ATP8B4: variants seen among roughly 807,000 people sequenced by gnomAD.
ATP8B4 encodes probable phospholipid-transporting ATPase IM.
In ATP8B4, 133 loss-of-function variants were observed where a neutral mutation model predicts 145.6. That is an observed-to-expected ratio of 0.91 (90% CI 0.79 to 1.05). ATP8B4 has a LOEUF of 1.05. ATP8B4 is among the 50% of genes least tolerant of loss of function. The pLI is 0.00. For synonymous variants in ATP8B4, 507 were observed against 492.9 expected, an observed-to-expected ratio of 1.03 and a Z score of -0.38; for missense variants, 1,458 against 1,425.2, an observed-to-expected ratio of 1.02 and a Z score of -0.37.
At chr15:50,020,308 C>T (rs1220758383) in intron 6 of ATP8B4, among the ~76,000 whole-genome samples, 3 of 150,304 alleles carry the variant, frequency 2.0e-5, no homozygotes, top group South Asian at 4.2e-4. Flanking sequence ...TCTTGTTGCC[C>T]GGGCAGGATG....
At chr15:49,884,474 A>C (rs1236541812) in intron 23 of ATP8B4, among the ~76,000 whole-genome samples, 1 of 151,850 alleles carries the variant, frequency 6.6e-6, no homozygotes, top group Non-Finnish European at 1.5e-5. Context: ...GATGGTGTGC[A>C]TCTTGTGATC....
intron 2 of ATP8B4, among the ~76,000 whole-genome samples, chr15:50,090,516 C>T (rs1294958951): frequency 2.6e-5 from 4 of 152,156 alleles, no homozygotes; most frequent in African/African-American, 9.7e-5. Flanking sequence ...ATACCTTCTG[C>T]CATGTGAGGA....
In ATP8B4 at chr15:50,086,050, G is replaced by A. The variant is rs1407996495; in HGVS notation, c.29-11865C>T. Among the ~76,000 whole-genome samples the A allele has an allele frequency of 2.1e-3, 202 of 94,160 alleles. 3 individuals carry two copies. The highest frequency in any genetic ancestry group is 0.014 in the Middle Eastern group (1 of 74). 61.8% of individuals were successfully genotyped at this position (94,160 alleles called of 152,430 possible). Reference sequence around the variant, plus strand: ...TTTATTATATATAATATAATATATAGATCTATATATATTATATATAATAAA... The same window carrying A: ...TTTATTATATATAATATAATATATAAATCTATATATATTATATATAATAAA... On this transcript the variant is annotated intron_variant, in intron 2 of 27. Transcript: ENST00000284509.
At chr15:50,070,803 C>CA (rs2053679983) in intron 3 of ATP8B4, among the ~76,000 whole-genome samples, 1 of 152,108 alleles carries the variant, frequency 6.6e-6, no homozygotes, top group Non-Finnish European at 1.5e-5. Context: ...TGCAGTGGCA[C>CA]AATCTTGGCT....
At chr15:50,134,592 CA>C (rs1422957021) in intron 1 of ATP8B4, among the ~76,000 whole-genome samples, 1 of 152,072 alleles carries the variant, frequency 6.6e-6, no homozygotes, top group Non-Finnish European at 1.5e-5. Flanking sequence ...AACGGGAAAT[CA>C]GGGGAAAAAA....
intron 20 of ATP8B4, chr15:49,901,920 C>G (rs978096515): frequency 8.5e-6 from 3 of 353,142 alleles, no homozygotes; most frequent in African/African-American, 6.5e-5. Flanking sequence ...TGGAAACGCC[C>G]TCCAAATGCT....
At chr15:50,164,294 G>A (rs2044564866) in intron 1 of ATP8B4, among the ~76,000 whole-genome samples, 1 of 152,180 alleles carries the variant, frequency 6.6e-6, no homozygotes, top group Non-Finnish European at 1.5e-5. Flanking sequence ...AGCAAATACC[G>A]TCTGGCTACC....
At chr15:50,121,171 CCTT>C (rs1361465066), upstream of ATP8B4, among the ~76,000 whole-genome samples, 1 of 152,092 alleles carries the variant, frequency 6.6e-6, no homozygotes, top group Non-Finnish European at 1.5e-5. Context: ...AATAAAAGCT[CCTT>C]GAGAGCAGGG....
chr15:49,886,680 G>C (rs111900625), intron 23 of ATP8B4, among the ~76,000 whole-genome samples: 49 of 152,130 alleles, frequency 3.2e-4, no homozygotes, highest in Admixed American at 2.6e-4. Context: ...TCTAATTCTG[G>C]TTTTTATCTC....
intron 1 of ATP8B4, among the ~76,000 whole-genome samples, chr15:50,141,552 G>T (rs544921054): frequency 2.0e-5 from 3 of 152,248 alleles, no homozygotes; most frequent in African/African-American, 7.2e-5. Context: ...AGACTGATAA[G>T]GACAAAATCT....
intron 20 of ATP8B4, among the ~76,000 whole-genome samples, chr15:49,909,281 C>T (rs1204962429): frequency 1.2e-4 from 18 of 152,134 alleles, no homozygotes; most frequent in Non-Finnish European, 2.9e-5. Context: ...ACCCAGCCTG[C>T]CACTACCACC....
chr15:50,110,839 T>C (rs2056903121), intron 1 of ATP8B4, among the ~76,000 whole-genome samples: 1 of 152,180 alleles, frequency 6.6e-6, no homozygotes, highest in Non-Finnish European at 1.5e-5. Context: ...AGCTAAGGAC[T>C]TTACATATAT....
intron 2 of ATP8B4, among the ~76,000 whole-genome samples, chr15:50,095,002 G>A (rs1216856631): frequency 1.3e-5 from 2 of 152,208 alleles, no homozygotes; most frequent in East Asian, 3.9e-4. Context: ...ACCGAACCCA[G>A]TTGTAAGCAA....
chr15:49,972,747 C>G lies in ATP8B4; in HGVS notation c.1078G>C (p.Asp360His), dbSNP rs139997674. 1.9e-6 allele frequency: 3 copies of G among 1,613,816 alleles called. No homozygotes were observed. The African/African-American group carries it at 4.0e-5, about 22-fold the overall frequency. ...TTTCGAGAATAATACATCTTCCGGT[C>G]CCAGTTTATAAAATAACTGTGTCCT... ...RLGHSYFINW[D>H]RKMYYSRKAI... The change falls in exon 13 of 28, where the codon GAC becomes CAC. Residue 360 changes from aspartate (D) to histidine (H), a missense_variant. Coordinates refer to ENST00000284509, the MANE Select transcript of ATP8B4 (RefSeq NM_024837.4).
chr15:49,941,656 G>C (rs1428666425), intron 14 of ATP8B4, among the ~76,000 whole-genome samples: 1 of 152,094 alleles, frequency 6.6e-6, no homozygotes, highest in Non-Finnish European at 1.5e-5. Flanking sequence ...AATGAAAGTA[G>C]ATCTACCATT....
Position 49,996,749 on chromosome 15 carries a change from G to A in ATP8B4, c.517C>T (p.Leu173=). Residue 173 remains leucine, a synonymous_variant, in exon 9 of 28, where the codon CTA becomes TTA. Coordinates refer to ENST00000284509, the MANE Select transcript of ATP8B4 (RefSeq NM_024837.4). ...ACTGATAGTGCATGGCGGACTTTTA[G>A]GTTCGTTTCCCTGTGAAATTATTGA... ...ETAELDGETN[L]KVRHALSVTS... is the part of the protein sequence containing the mutation. The A allele has an allele frequency of 3.1e-6, 5 of 1,609,660 alleles. No homozygotes were observed. Among genetic ancestry groups the A allele is most frequent in the Non-Finnish European group, 4.2e-6 (5 of 1,176,930 alleles).
intron 6 of ATP8B4, among the ~76,000 whole-genome samples, chr15:50,034,237 T>C (rs1208631523): frequency 6.6e-5 from 10 of 151,616 alleles, no homozygotes; most frequent in African/African-American, 2.2e-4. Context: ...TGTTTTTTTT[T>C]TTTTTTTTTT....
At chr15:49,869,126 G>A (rs1040059141) in intron 25 of ATP8B4, among the ~76,000 whole-genome samples, 27 of 152,236 alleles carry the variant, frequency 1.8e-4, no homozygotes, top group Admixed American at 1.8e-3. Context: ...GGCCAGGCTG[G>A]TCTTGAACCT....
At chr15:50,007,167 C>T (rs763737939) in intron 7 of ATP8B4, among the ~76,000 whole-genome samples, 14 of 152,240 alleles carry the variant, frequency 9.2e-5, no homozygotes, top group Admixed American at 3.3e-4. Context: ...TGGCAATCTC[C>T]GGTGAGCTTT....
Sources: allele counts gnomAD v4.1 joint callset (sites outside exome capture counted in the v4.1 genomes callset), GRCh38; gene constraint gnomAD v4.1.1; transcripts MANE v1.5; gene names NCBI Gene and HGNC (gene_info 2026-07-23, HGNC 2026-07-21).